The following ARHGAP15 variants were observed in gnomAD, a reference collection of about 807,000 sequenced individuals.
The protein encoded by ARHGAP15 is rho GTPase-activating protein 15.
ARHGAP15 carries 51 observed loss-of-function variants against 63.7 expected under a neutral mutation model. That is an observed-to-expected ratio of 0.80 (90% CI 0.64 to 1.01). The LOEUF is 1.01. ARHGAP15 is among the 50% of genes least tolerant of loss of function. The probability of loss-of-function intolerance (pLI) is 0.00; values close to 1 mark genes in which losing one functional copy is unlikely to be tolerated. For missense variants in ARHGAP15, 560 were observed against 564.6 expected, an observed-to-expected ratio of 0.99 and a Z score of 0.08; for synonymous variants, 191 against 193.8, an observed-to-expected ratio of 0.99 and a Z score of 0.12.
chr2:143,251,126 G>T (rs754505162), intron 6 of ARHGAP15, among the ~76,000 whole-genome samples: 19 of 151,948 alleles, frequency 1.3e-4, no homozygotes, highest in Admixed American at 2.6e-4. Flanking sequence ...AATCATATTC[G>T]ATTGAATGGC....
At chr2:143,572,303 T>C (rs1324986129) in intron 11 of ARHGAP15, among the ~76,000 whole-genome samples, 2 of 152,162 alleles carry the variant, frequency 1.3e-5, no homozygotes, top group Non-Finnish European at 2.9e-5. Context: ...TTTGGAGCCT[T>C]CATTTCACCC....
chr2:143,470,965 G>A lies in ARHGAP15; in HGVS notation c.704-16408G>A, dbSNP rs529895071. 6.2e-5 allele frequency among the ~76,000 whole-genome samples: 9 copies of A among 144,864 alleles called. No homozygotes were observed. The East Asian group carries it at 8.7e-4, about 14-fold the overall frequency. On this transcript the variant is annotated intron_variant, in intron 8 of 13. Coordinates refer to ENST00000295095, the MANE Select transcript of ARHGAP15 (RefSeq NM_018460.4). ...GTATATACACACATGTGTATCATAT[G>A]TGTGTACATACACACGTGTATCATA...
intron 10 of ARHGAP15, among the ~76,000 whole-genome samples, chr2:143,523,905 T>G (rs190537435): frequency 2.6e-5 from 4 of 152,274 alleles, no homozygotes; most frequent in Admixed American, 2.6e-4. Flanking sequence ...GTCATATGCT[T>G]TTGACCACAA....
intron 11 of ARHGAP15, among the ~76,000 whole-genome samples, chr2:143,601,095 TC>T (rs1312286903): frequency 6.6e-6 from 1 of 152,074 alleles, no homozygotes; most frequent in Non-Finnish European, 1.5e-5. Flanking sequence ...GCGGTAGAAG[TC>T]CCTAAACTGG....
intron 6 of ARHGAP15, among the ~76,000 whole-genome samples, chr2:143,284,399 T>C (rs543382299): frequency 1.6e-3 from 237 of 152,320 alleles, no homozygotes; most frequent in African/African-American, 5.7e-3. Flanking sequence ...TTGTCACTGT[T>C]AAACAAAATG....
At chr2:143,380,276 C>T (rs925970638) in intron 6 of ARHGAP15, among the ~76,000 whole-genome samples, 2 of 152,106 alleles carry the variant, frequency 1.3e-5, no homozygotes, top group African/African-American at 4.8e-5. Flanking sequence ...CTGTTACTAA[C>T]ATTTGGGCTG....
intron 12 of ARHGAP15, among the ~76,000 whole-genome samples, chr2:143,656,934 GGTGTGTGTGT>G (rs5834961): frequency 0.07 from 10,181 of 144,984 alleles, 655 homozygotes; most frequent in East Asian, 0.31. Flanking sequence ...CAAAGTTTCT[GGTGTGTGTGT>G]GTGTGTGTGT....
chr2:143,529,661 C>G (rs1694437226), intron 10 of ARHGAP15, among the ~76,000 whole-genome samples: 1 of 152,124 alleles, frequency 6.6e-6, no homozygotes, highest in Non-Finnish European at 1.5e-5. Context: ...TTCTAATGGC[C>G]TATTCCTTTC....
intron 5 of ARHGAP15, among the ~76,000 whole-genome samples, chr2:143,241,100 A>C (rs1021204264): frequency 6.6e-6 from 1 of 152,178 alleles, no homozygotes; most frequent in African/African-American, 2.4e-5. Flanking sequence ...TTTCTCTAAG[A>C]TAAAATGAGC....
At position 143,425,610 on chromosome 2, in the gene ARHGAP15, A is replaced by C. The variant is rs193207592; in HGVS notation, c.475-9991A>C. Among the ~76,000 whole-genome samples, 315 of 152,244 alleles carry C rather than the reference A, an allele frequency of 2.1e-3. 3 individuals carry two copies. Among genetic ancestry groups the C allele is most frequent in the African/African-American group, 7.3e-3 (302 of 41,542 alleles). ...TTAAAGATAACCCTTTTGAGTAAAC[A>C]GTTAGGAATGTTCTCCAAACAGCAG... On this transcript the variant is annotated intron_variant, in intron 6 of 13. Transcript: ENST00000295095.
At chr2:143,507,949 A>G (rs993613403) in intron 9 of ARHGAP15, among the ~76,000 whole-genome samples, 4 of 147,996 alleles carry the variant, frequency 2.7e-5, no homozygotes, top group African/African-American at 1.0e-4. Flanking sequence ...GAGCCTTCCT[A>G]CTTCTCCTCT....
At chr2:143,230,444 C>G (rs1203462728) in intron 5 of ARHGAP15, among the ~76,000 whole-genome samples, 1 of 152,182 alleles carries the variant, frequency 6.6e-6, no homozygotes, top group East Asian at 1.9e-4. Flanking sequence ...GTTCAACCTT[C>G]AGAACTGTTG....
At chr2:143,213,381 C>A (rs891286649) in intron 3 of ARHGAP15, among the ~76,000 whole-genome samples, 4 of 152,008 alleles carry the variant, frequency 2.6e-5, no homozygotes, top group Admixed American at 2.6e-4. Context: ...GTCATGGTGG[C>A]ACATGCCTGT....
intron 8 of ARHGAP15, among the ~76,000 whole-genome samples, chr2:143,462,331 A>G (rs982176502): frequency 4.6e-5 from 7 of 152,324 alleles, no homozygotes; most frequent in African/African-American, 1.7e-4. Flanking sequence ...TACAAAAATG[A>G]CAGCTTACAG....
chr2:143,330,299 C>T (rs562797373), intron 6 of ARHGAP15, among the ~76,000 whole-genome samples: 2 of 151,648 alleles, frequency 1.3e-5, no homozygotes, highest in East Asian at 1.9e-4. Flanking sequence ...AATATTTCAA[C>T]ATTCTGCCTA....
At chr2:143,337,932 G>T (rs1479377264) in intron 6 of ARHGAP15, among the ~76,000 whole-genome samples, 1 of 152,078 alleles carries the variant, frequency 6.6e-6, no homozygotes, top group African/African-American at 2.4e-5. Flanking sequence ...ATATAGTACT[G>T]TTAGACATCT....
intron 13 of ARHGAP15, among the ~76,000 whole-genome samples, chr2:143,742,255 C>T (rs1449193155): frequency 1.3e-5 from 2 of 152,158 alleles, no homozygotes; most frequent in African/African-American, 2.4e-5. Context: ...TCAAATGGCT[C>T]CATGGTTGGT....
At chr2:143,553,470 T>C (rs1188253866) in intron 10 of ARHGAP15, among the ~76,000 whole-genome samples, 4 of 152,206 alleles carry the variant, frequency 2.6e-5, no homozygotes, top group African/African-American at 7.2e-5. Context: ...TTTTACTTTC[T>C]GGTTTCTGTC....
At chr2:143,282,707 T>G (rs553995971) in intron 6 of ARHGAP15, among the ~76,000 whole-genome samples, 23 of 152,240 alleles carry the variant, frequency 1.5e-4, no homozygotes, top group African/African-American at 5.5e-4. Flanking sequence ...AAACTGGGAT[T>G]CAGAGAGGTT....
Sources: gnomAD v4.1 joint callset for allele counts (sites outside exome capture counted in the v4.1 genomes callset) on GRCh38, gnomAD v4.1.1 for gene constraint, MANE v1.5 for transcripts, NCBI Gene and HGNC (gene_info 2026-07-23, HGNC 2026-07-21) for gene names.